The following ART3 variants were observed in gnomAD, a reference collection of about 807,000 sequenced individuals.
ART3 encodes ADP-ribosyltransferase 3 (inactive).
ART3 carries 49 observed loss-of-function variants against 48.5 expected under a neutral mutation model. The ratio of observed to expected loss-of-function variants is 1.01; its 90% CI spans 0.80 to 1.28. The LOEUF (loss-of-function observed/expected upper bound fraction) is 1.28. ART3 is among the 50% of genes most tolerant of loss of function. The pLI is 0.00. For missense variants in ART3, 438 were observed against 454.3 expected (o/e 0.96, Z 0.33); for synonymous variants, 145 against 157.2 (o/e 0.92, Z 0.58).
At chr4:76,017,536 G>A (rs1292334199) in intron 1 of ART3, among the ~76,000 whole-genome samples, 1 of 151,968 alleles carries the variant, frequency 6.6e-6, no homozygotes, top group African/African-American at 2.4e-5. Flanking sequence ...GTTGCCTGGA[G>A]TTGGGAAGGG....
At chr4:76,048,260 C>T (rs1158251561) in intron 1 of ART3, among the ~76,000 whole-genome samples, 1 of 151,864 alleles carries the variant, frequency 6.6e-6, no homozygotes, top group Non-Finnish European at 1.5e-5. Context: ...CTCCATTTCC[C>T]TTCCTTCTTA....
chr4:76,081,650 A>G (rs1012953352), intron 2 of ART3, among the ~76,000 whole-genome samples, 174 bp from the exon 3 acceptor site: 3 of 152,208 alleles, frequency 2.0e-5, no homozygotes, highest in African/African-American at 7.2e-5. Context: ...CACAGCTGAG[A>G]AAAGTTATCA....
chr4:76,077,520 A>T (rs1047630038), intron 2 of ART3, among the ~76,000 whole-genome samples: 30 of 152,174 alleles, frequency 2.0e-4, no homozygotes, highest in African/African-American at 6.5e-4. Context: ...TTTTCTTTTT[A>T]AAAAATTTTC....
chr4:76,063,664 A>G (rs1345410737), intron 1 of ART3, among the ~76,000 whole-genome samples: 1 of 152,206 alleles, frequency 6.6e-6, no homozygotes, highest in Non-Finnish European at 1.5e-5. Context: ...ATGTATTTAT[A>G]TATCATTATT....
chr4:76,069,412 C>T (rs1462434339), intron 1 of ART3, among the ~76,000 whole-genome samples: 2 of 72,978 alleles, frequency 2.7e-5, no homozygotes, highest in African/African-American at 2.2e-4. Context: ...TTTTTTGAGA[C>T]ACAGTCTGTC....
At chr4:76,100,135 G>C (rs7654988) in intron 5 of ART3, among the ~76,000 whole-genome samples, 156 bp from the exon 6 acceptor site, 86,407 of 152,080 alleles carry the variant, frequency 0.57, 25,898 homozygotes, top group East Asian at 0.98. Flanking sequence ...CATTTAGACT[G>C]TGACCGACAA....
At chr4:76,051,675 G>T (rs1338310097) in intron 1 of ART3, among the ~76,000 whole-genome samples, 2 of 151,742 alleles carry the variant, frequency 1.3e-5, no homozygotes, top group Non-Finnish European at 2.9e-5. Flanking sequence ...GAGTAGCTGG[G>T]ACTATGGGCA....
At chr4:76,050,305 T>C (rs1442640983) in intron 1 of ART3, among the ~76,000 whole-genome samples, 1 of 152,100 alleles carries the variant, frequency 6.6e-6, no homozygotes, top group African/African-American at 2.4e-5. Context: ...AGGGCGCTGA[T>C]AGGTGGGTTT....
At chr4:76,050,384 A>C (rs564547236) in intron 1 of ART3, among the ~76,000 whole-genome samples, 2 of 152,238 alleles carry the variant, frequency 1.3e-5, no homozygotes, top group East Asian at 3.9e-4. Flanking sequence ...GAGTGTCGAC[A>C]CAAAGGTTCT....
chr4:76,081,606 A>G (rs1722488205), intron 2 of ART3, among the ~76,000 whole-genome samples: 1 of 152,072 alleles, frequency 6.6e-6, no homozygotes, highest in Non-Finnish European at 1.5e-5. Context: ...CATACCTCTC[A>G]CCCACTGACA....
intron 1 of ART3, among the ~76,000 whole-genome samples, chr4:76,065,552 AACACACACACAC>A (rs56794781): frequency 6.9e-6 from 1 of 145,294 alleles, no homozygotes; most frequent in African/African-American, 2.6e-5. Flanking sequence ...ATAACCCTCC[AACACACACACAC>A]ACACACACAC....
At chr4:76,077,829 G>T (rs776704679) in intron 2 of ART3, among the ~76,000 whole-genome samples, 6 of 152,072 alleles carry the variant, frequency 3.9e-5, no homozygotes, top group Non-Finnish European at 8.8e-5. Context: ...AGTATATTAG[G>T]ATTCTAATAT....
At chr4:76,013,449 A>C (rs986638284) in intron 1 of ART3, among the ~76,000 whole-genome samples, 16 of 151,978 alleles carry the variant, frequency 1.1e-4, no homozygotes, top group East Asian at 1.9e-4. Flanking sequence ...ACACACACAC[A>C]CCCCTGTGTA....
chr4:76,104,510 G>C, intron 9 of ART3, 87 bp from the exon 10 acceptor site: 1 of 1,545,316 alleles, frequency 6.5e-7, no homozygotes, highest in Non-Finnish European at 8.7e-7. Context: ...TTGGGTGCTT[G>C]CATCTCTTAA....
chr4:76,089,676 G>A (rs1454156069), intron 3 of ART3, among the ~76,000 whole-genome samples: 1 of 152,062 alleles, frequency 6.6e-6, no homozygotes, highest in Non-Finnish European at 1.5e-5. Flanking sequence ...TCATCAAACA[G>A]TTTGTAACAT....
intron 10 of ART3, 55 bp downstream of exon 10, chr4:76,104,684 C>T (rs1365985583): frequency 4.5e-6 from 7 of 1,544,212 alleles, no homozygotes; most frequent in Non-Finnish European, 5.3e-6. Context: ...GGAGTACAGT[C>T]ACCATTAGAT....
intron 1 of ART3, among the ~76,000 whole-genome samples, chr4:76,028,723 T>C (rs1399707166): frequency 6.6e-6 from 1 of 152,218 alleles, no homozygotes; most frequent in Non-Finnish European, 1.5e-5. Context: ...TGTTTGGTAA[T>C]ACTGGTTACA....
At chr4:76,019,764 C>T (rs547627381) in intron 1 of ART3, among the ~76,000 whole-genome samples, 1 of 151,604 alleles carries the variant, frequency 6.6e-6, no homozygotes, top group African/African-American at 2.4e-5. Context: ...ATATCACATT[C>T]TGATGTATGT....
At chr4:76,030,560 G>A (rs1051813387) in intron 1 of ART3, among the ~76,000 whole-genome samples, 19 of 152,164 alleles carry the variant, frequency 1.2e-4, no homozygotes, top group African/African-American at 4.3e-4. Flanking sequence ...TCACAGTGCT[G>A]TGAAGCCATC....
Sources: allele counts gnomAD v4.1 joint callset (sites outside exome capture counted in the v4.1 genomes callset), GRCh38; gene constraint gnomAD v4.1.1; transcripts MANE v1.5; gene names NCBI Gene and HGNC (gene_info 2026-07-23, HGNC 2026-07-21).